PDCD6IP: variants seen among roughly 807,000 people sequenced by gnomAD.
PDCD6IP encodes programmed cell death 6-interacting protein.
PDCD6IP carries 43 observed loss-of-function variants against 103.7 expected under a neutral mutation model. That is an observed-to-expected ratio of 0.41 (90% CI 0.32 to 0.53). The LOEUF (loss-of-function observed/expected upper bound fraction) is 0.53, where lower values mean the gene tolerates loss of function less well. Among genes scored for constraint, PDCD6IP ranks in the 20% least tolerant of loss-of-function variants. The probability of loss-of-function intolerance (pLI) is 0.16; values close to 1 mark genes in which losing one functional copy is unlikely to be tolerated. For synonymous variants in PDCD6IP, 354 were observed against 378.7 expected, an observed-to-expected ratio of 0.93 and a Z score of 0.76; for missense variants, 871 against 1,036.7, an observed-to-expected ratio of 0.84 and a Z score of 2.20.
chr3:33,830,462 A>C (rs1333367568), intron 7 of PDCD6IP, among the ~76,000 whole-genome samples: 1 of 152,204 alleles, frequency 6.6e-6, no homozygotes, highest in Non-Finnish European at 1.5e-5. Flanking sequence ...CTCATTTTTA[A>C]GTACCCCTGA....
intron 3 of PDCD6IP, among the ~76,000 whole-genome samples, chr3:33,819,363 G>A (rs1346920523): frequency 2.0e-5 from 3 of 152,120 alleles, no homozygotes; most frequent in Admixed American, 2.0e-4. Context: ...TGCTAATTGT[G>A]ATATTTGGAA....
chr3:33,865,098 G>A, intron 16 of PDCD6IP, 145 bp from the exon 17 acceptor site: 2 of 567,634 alleles, frequency 3.5e-6, no homozygotes, highest in Non-Finnish European at 3.0e-6. Flanking sequence ...TATTTCTATA[G>A]TAATAAGCCG....
At chr3:33,847,431 A>C (rs1243861938) in intron 12 of PDCD6IP, among the ~76,000 whole-genome samples, 2 of 152,216 alleles carry the variant, frequency 1.3e-5, no homozygotes, top group Non-Finnish European at 2.9e-5. Context: ...CAAAAATTTC[A>C]GTACTCTCTG....
At chr3:33,799,274 G>C (rs904322650) in intron 1 of PDCD6IP, 23 of 266,188 alleles carry the variant, frequency 8.6e-5, no homozygotes, top group Middle Eastern at 1.0e-3. Flanking sequence ...GTCTCTAACT[G>C]AAGCTTCCCC....
chr3:33,841,874 A>G (rs1697483026), intron 9 of PDCD6IP, 23 bp from the exon 10 acceptor site: 6 of 1,512,614 alleles, frequency 4.0e-6, no homozygotes, highest in Non-Finnish European at 5.4e-6. Context: ...ACTTCAGTAT[A>G]ACATAGTATC....
At chr3:33,829,124 G>T (rs1697191880) in intron 7 of PDCD6IP, among the ~76,000 whole-genome samples, 155 bp downstream of exon 7, 1 of 151,942 alleles carries the variant, frequency 6.6e-6, no homozygotes, top group South Asian at 2.1e-4. Flanking sequence ...TTTACTGCAT[G>T]TTTTTTTGAG....
intron 4 of PDCD6IP, 37 bp downstream of exon 4, chr3:33,822,119 A>G (rs1697005961): frequency 6.3e-7 from 1 of 1,599,710 alleles, no homozygotes. Context: ...AATGGTCAAC[A>G]CTAAATTGGA....
At chr3:33,816,504 A>G (rs1005957913) in intron 3 of PDCD6IP, among the ~76,000 whole-genome samples, 50 of 107,840 alleles carry the variant, frequency 4.6e-4, no homozygotes, top group Non-Finnish European at 7.7e-4. Context: ...GATTCTGTCT[A>G]AAAAAAAAAA....
Position 33,866,763 on chromosome 3 carries a change from C to T in PDCD6IP, c.*238C>T, listed in dbSNP as rs957939191. 1 of 365,794 alleles carries T rather than the reference C, an allele frequency of 2.7e-6. No individual in the cohort carries two copies. The highest frequency in any genetic ancestry group is 2.1e-5 in the African/African-American group (1 of 47,886). 22.7% of individuals were successfully genotyped at this position (365,794 alleles called of 1,614,324 possible). A position where few individuals can be genotyped will look rare whatever the true frequency, so the allele number is the denominator to read the frequency against. ...TATAATAGGATTTGAAATTGCATTACAGTTCATAAAAATTGAAAATGAGAA... is the reference window on the plus strand; with the variant it reads ...TATAATAGGATTTGAAATTGCATTATAGTTCATAAAAATTGAAAATGAGAA... On this transcript the variant is annotated 3_prime_UTR_variant, in exon 18 of 18. Transcript: ENST00000307296.
intron 1 of PDCD6IP, among the ~76,000 whole-genome samples, chr3:33,804,410 A>G (rs1294886324): frequency 3.3e-5 from 5 of 152,238 alleles, no homozygotes; most frequent in Admixed American, 6.5e-5. Context: ...CGTTGCTACA[A>G]TTTGTTAACC....
chr3:33,857,395 G>C (rs897857907), intron 15 of PDCD6IP, among the ~76,000 whole-genome samples: 1 of 152,028 alleles, frequency 6.6e-6, no homozygotes, highest in Non-Finnish European at 1.5e-5. Flanking sequence ...TGGCCAGGCT[G>C]GTCTCGAACT....
intron 7 of PDCD6IP, 83 bp from the exon 8 acceptor site, chr3:33,835,961 C>T: frequency 2.5e-6 from 2 of 794,136 alleles, no homozygotes; most frequent in Non-Finnish European, 4.1e-6. Context: ...TTTTTGAAAC[C>T]AATGCTTAAA....
chr3:33,862,695 A>T (rs1697979664), intron 15 of PDCD6IP, among the ~76,000 whole-genome samples: 1 of 152,206 alleles, frequency 6.6e-6, no homozygotes, highest in African/African-American at 2.4e-5. Flanking sequence ...AGAAATTTGC[A>T]TAATGGTTTG....
intron 4 of PDCD6IP, 35 bp from the exon 5 acceptor site, chr3:33,825,152 A>T (rs368432242): frequency 6.3e-7 from 1 of 1,575,320 alleles, no homozygotes; most frequent in Non-Finnish European, 8.6e-7. Flanking sequence ...AGTCTTGCTG[A>T]GTTCCTATAA....
At chr3:33,835,914 A>G (rs1697336097) in intron 7 of PDCD6IP, 130 bp from the exon 8 acceptor site, 1 of 611,478 alleles carries the variant, frequency 1.6e-6, no homozygotes, top group Non-Finnish European at 2.9e-6. Context: ...TGTCAGCCAC[A>G]TTGCTGGAAA....
chr3:33,812,205 GTT>G, intron 2 of PDCD6IP, 79 bp downstream of exon 2: 2 of 1,514,164 alleles, frequency 1.3e-6, no homozygotes, highest in Non-Finnish European at 1.8e-6. Context: ...TGTCTTTAGA[GTT>G]TTATGAGATA....
At chr3:33,826,653 C>G in intron 6 of PDCD6IP, 73 bp downstream of exon 6, 1 of 1,569,684 alleles carries the variant, frequency 6.4e-7, no homozygotes, top group South Asian at 1.1e-5. Context: ...GTATAAGAAG[C>G]AAGTTGAAAC....
intron 7 of PDCD6IP, among the ~76,000 whole-genome samples, chr3:33,832,817 C>T (rs1697270179): frequency 2.0e-5 from 3 of 151,924 alleles, no homozygotes; most frequent in Admixed American, 2.0e-4. Flanking sequence ...TTCTGCCTGT[C>T]CTTGCTTGTT....
At chr3:33,825,641 GA>G (rs1416036973) in intron 5 of PDCD6IP, among the ~76,000 whole-genome samples, 1 of 152,162 alleles carries the variant, frequency 6.6e-6, no homozygotes, top group Non-Finnish European at 1.5e-5. Context: ...ATATTTATTG[GA>G]TACTTACTCT....
Sources: gnomAD v4.1 joint callset for allele counts (sites outside exome capture counted in the v4.1 genomes callset) on GRCh38, gnomAD v4.1.1 for gene constraint, MANE v1.5 for transcripts, NCBI Gene and HGNC (gene_info 2026-07-23, HGNC 2026-07-21) for gene names.